NLRP9: variants seen among roughly 807,000 people sequenced by gnomAD.
NLRP9 encodes the protein NACHT, LRR and PYD domains-containing protein 9.
In NLRP9, 88 loss-of-function variants were observed where a neutral mutation model predicts 83.1. The observed-to-expected ratio is 1.06, with a 90% CI of 0.89 to 1.26. The LOEUF is 1.26. Among genes scored for constraint, NLRP9 ranks in the 50% most tolerant of loss-of-function variants. NLRP9 has a pLI of 0.00. For synonymous variants in NLRP9, 521 were observed against 447.6 expected, an observed-to-expected ratio of 1.16 and a Z score of -2.07; for missense variants, 1,308 against 1,179.3, an observed-to-expected ratio of 1.11 and a Z score of -1.60.
At chr19:55,709,185 C>G (rs1224658477) in intron 8 of NLRP9, 141 bp from the exon 9 acceptor site, 1 of 567,100 alleles carries the variant, frequency 1.8e-6, no homozygotes, top group Non-Finnish European at 2.8e-6. Flanking sequence ...ATTTGAAAAA[C>G]AAGCATGAAT....
Position 55,723,110 on chromosome 19 carries a change from C to T in NLRP9, c.2159+870G>A, listed in dbSNP as rs141630691. On this transcript the variant is annotated intron_variant, in intron 4 of 8. Coordinates refer to ENST00000332836, the MANE Select transcript of NLRP9 (RefSeq NM_176820.4). The stretch of plus-strand genomic sequence containing the variant: ...TGTATACCTATGTAACAAATCTGCA[C>T]GTTGTACACATGTACTCCAGAACTT... Among the ~76,000 whole-genome samples, 37 of 151,904 alleles carry T rather than the reference C, an allele frequency of 2.4e-4. 1 individual carries two copies. In the East Asian group the frequency reaches 5.4e-3, roughly 22 times the overall value.
At chr19:55,718,569 G>T (rs760234343) in intron 4 of NLRP9, among the ~76,000 whole-genome samples, 1 of 150,482 alleles carries the variant, frequency 6.6e-6, no homozygotes, top group African/African-American at 2.5e-5. Context: ...TCTAGCCTAC[G>T]TGCACATACG....
chr19:55,734,635 A>T (rs981270788), intron 1 of NLRP9, among the ~76,000 whole-genome samples: 15 of 120,036 alleles, frequency 1.2e-4, no homozygotes, highest in South Asian at 8.5e-4. Flanking sequence ...ATATATATAT[A>T]TATTTTTTTT....
rs1185120492 is a variant in NLRP9, at chr19:55,724,113, C to T, written c.2026G>A (p.Glu676Lys). 1.9e-6 allele frequency: 3 copies of T among 1,613,092 alleles called. No individual in the cohort carries two copies. Among genetic ancestry groups the T allele is most frequent in the Non-Finnish European group, 1.7e-6 (2 of 1,179,404 alleles). The part of the protein sequence containing the change: ...FTSVYFGHDS[E>K]LFKAVLHNPH... ...TTGTGAAGAACTGCCTTAAATAATT[C>T]TGAATCATGTCCAAAGTACACAGAA... Residue 676 changes from glutamate to lysine, a missense_variant, in exon 4 of 9, where the codon GAA (glutamate) becomes AAA (lysine). Coordinates refer to ENST00000332836, the MANE Select transcript of NLRP9 (RefSeq NM_176820.4).
chr19:55,710,358 C>T (rs1246634829), intron 8 of NLRP9, among the ~76,000 whole-genome samples: 1 of 152,146 alleles, frequency 6.6e-6, no homozygotes, highest in Non-Finnish European at 1.5e-5. Context: ...CTGCAGGGTA[C>T]AAGGCCTGGC....
rs57834063 is a variant in NLRP9, at chr19:55,718,686, A to C, written c.2160-1788T>G. Among the ~76,000 whole-genome samples the C allele has an allele frequency of 2.9e-4, 44 of 152,318 alleles. No individual in the cohort carries two copies. The East Asian group carries it at 8.5e-3, about 29-fold the overall frequency. On this transcript the variant is annotated intron_variant, in intron 4 of 8. Coordinates refer to ENST00000332836, the MANE Select transcript of NLRP9 (RefSeq NM_176820.4). ...TTGCCCAGCCACATTCCCCTCGCCA[A>C]GATAGTAAAAATAGTGATCAATAAA...
At chr19:55,737,867 G>A (rs1435005770) in intron 1 of NLRP9, among the ~76,000 whole-genome samples, 1 of 151,924 alleles carries the variant, frequency 6.6e-6, no homozygotes, top group Non-Finnish European at 1.5e-5. Context: ...GTGGAAAAAT[G>A]GGAAGACACT....
intron 1 of NLRP9, among the ~76,000 whole-genome samples, chr19:55,734,598 TACACATAC>T (rs1342596913): frequency 1.2e-4 from 16 of 134,664 alleles, no homozygotes; most frequent in African/African-American, 3.6e-4. Flanking sequence ...CATATATACA[TACACATAC>T]ACACACACAC....
intron 4 of NLRP9, among the ~76,000 whole-genome samples, chr19:55,723,685 G>A (rs554570349): frequency 1.2e-4 from 17 of 141,462 alleles, no homozygotes; most frequent in East Asian, 2.1e-4. Context: ...TCAAGATTGC[G>A]TCATTGCACT....
At chr19:55,736,385 C>T (rs1173684044) in intron 1 of NLRP9, among the ~76,000 whole-genome samples, 8 of 152,032 alleles carry the variant, frequency 5.3e-5, no homozygotes, top group African/African-American at 1.4e-4. Context: ...AGCGAGACTC[C>T]GTCTCAAAAA....
chr19:55,717,044 T>TC, intron 4 of NLRP9, 146 bp from the exon 5 acceptor site: 1 of 618,820 alleles, frequency 1.6e-6, no homozygotes, highest in South Asian at 2.4e-5. Flanking sequence ...TTTTTTTTTT[T>TC]TTTTTTTGAG....
chr19:55,723,449 A>T (rs1463683695), intron 4 of NLRP9, among the ~76,000 whole-genome samples: 1 of 152,194 alleles, frequency 6.6e-6, no homozygotes, highest in Non-Finnish European at 1.5e-5. Flanking sequence ...GCCTGGATGC[A>T]GTGGCTCATG....
chr19:55,732,513 A>T lies in NLRP9; in HGVS notation c.1318T>A (p.Cys440Ser). 1 of 1,614,244 alleles carries T rather than the reference A, an allele frequency of 6.2e-7. No individual in the cohort carries two copies. Among genetic ancestry groups the T allele is most frequent in the Non-Finnish European group, 8.5e-7 (1 of 1,180,048 alleles). Residue 440 changes from cysteine (C) to serine (S), a missense_variant, in exon 2 of 9, where the codon TGT (cysteine) becomes AGT (serine). Coordinates refer to ENST00000332836, the MANE Select transcript of NLRP9 (RefSeq NM_176820.4). ...ATACACAGATGCATGAAGGCAAAAC[A>T]GTCCCCTCTCCTTTGGAGGAGTCTC... ...GMRLLQRRGD[C>S]FAFMHLCIQE...
chr19:55,732,001 T>C lies in NLRP9; in HGVS notation c.1830A>G (p.Ser610=). 1 of 1,545,514 alleles carries C rather than the reference T, an allele frequency of 6.5e-7. No individual in the cohort carries two copies. The highest frequency in any genetic ancestry group is 8.7e-7 in the Non-Finnish European group (1 of 1,145,334). Reference sequence around the variant, plus strand: ...GGGGGATTAATAGACAGACTCACTCTGAGATGCATCCTGAGTCATCTGGAA... The same window carrying C: ...GGGGGATTAATAGACAGACTCACTCCGAGATGCATCCTGAGTCATCTGGAA... ...NIFPDDSGCI[S]DYNEKLVYWR... Residue 610 remains serine (S), a splice_region_variant and synonymous_variant, in exon 2 of 9, where the codon TCA becomes TCG. Coordinates refer to ENST00000332836, the MANE Select transcript of NLRP9 (RefSeq NM_176820.4).
intron 6 of NLRP9, among the ~76,000 whole-genome samples, chr19:55,713,976 A>G (rs1987910760): frequency 7.2e-6 from 1 of 139,132 alleles, no homozygotes; most frequent in Non-Finnish European, 1.5e-5. Flanking sequence ...AACAACACAG[A>G]ATGAATTGGG....
chr19:55,726,494 C>T (rs557689291), intron 3 of NLRP9, among the ~76,000 whole-genome samples: 4 of 152,164 alleles, frequency 2.6e-5, no homozygotes, highest in Non-Finnish European at 4.4e-5. Context: ...GATTAAGGAC[C>T]GCTGGAGGTA....
chr19:55,712,122 C>T (rs956137415), intron 7 of NLRP9, 152 bp from the exon 8 acceptor site: 14 of 782,768 alleles, frequency 1.8e-5, no homozygotes, highest in African/African-American at 1.2e-4. Flanking sequence ...TCCTGGGGGA[C>T]GTATGTCTAG....
chr19:55,716,995 C>T (rs1224472284), intron 4 of NLRP9, 97 bp from the exon 5 acceptor site: 1 of 892,320 alleles, frequency 1.1e-6, no homozygotes, highest in Non-Finnish European at 1.8e-6. Flanking sequence ...TCTAGTCTTG[C>T]ACCTGCCGAT....
intron 7 of NLRP9, 35 bp downstream of exon 7, chr19:55,712,384 TA>T (rs758733168): frequency 3.8e-6 from 6 of 1,564,140 alleles, no homozygotes; most frequent in Non-Finnish European, 5.3e-6. Flanking sequence ...TTGAAATAGA[TA>T]AATTTTCCTA....
Sources: allele counts gnomAD v4.1 joint callset (sites outside exome capture counted in the v4.1 genomes callset), GRCh38; gene constraint gnomAD v4.1.1; transcripts MANE v1.5; gene names NCBI Gene and HGNC (gene_info 2026-07-23, HGNC 2026-07-21).